The following THADA variants were observed in gnomAD, a reference collection of about 807,000 sequenced individuals.
THADA encodes THADA armadillo repeat containing, also known as tRNA (32-2'-O)-methyltransferase regulator THADA.
Under a neutral mutation model 219.8 loss-of-function variants are expected in THADA, and 213 were observed. The ratio of observed to expected loss-of-function variants is 0.97; its 90% CI spans 0.87 to 1.09. The LOEUF (loss-of-function observed/expected upper bound fraction) is 1.09, where lower values mean the gene tolerates loss of function less well. THADA is among the 50% of genes least tolerant of loss of function. THADA has a pLI of 0.00. For missense variants in THADA, 2,956 were observed against 2,311.3 expected (o/e 1.28, Z -5.72); for synonymous variants, 1,018 against 828.9 (o/e 1.23, Z -3.92).
intron 26 of THADA, among the ~76,000 whole-genome samples, chr2:43,434,091 T>G (rs1306020558): frequency 6.6e-6 from 1 of 152,118 alleles, no homozygotes; most frequent in African/African-American, 2.4e-5. Context: ...CTCACCCAGA[T>G]AGCTAAAAAA....
At chr2:43,235,417 C>T (rs1368778763) in intron 36 of THADA, among the ~76,000 whole-genome samples, 1 of 152,084 alleles carries the variant, frequency 6.6e-6, no homozygotes, top group Non-Finnish European at 1.5e-5. Flanking sequence ...CCTCAGCCTC[C>T]CAAGTAGCTG....
chr2:43,500,444 C>T (rs1688810741), intron 24 of THADA, among the ~76,000 whole-genome samples: 1 of 152,008 alleles, frequency 6.6e-6, no homozygotes, highest in South Asian at 2.1e-4. Flanking sequence ...ACAGGACAGG[C>T]ACAGCACAAA....
chr2:43,493,180 G>A (rs1166377652), intron 25 of THADA, among the ~76,000 whole-genome samples: 1 of 152,114 alleles, frequency 6.6e-6, no homozygotes, highest in Non-Finnish European at 1.5e-5. Flanking sequence ...TTACCCTGGG[G>A]GAAGCAAGCT....
intron 22 of THADA, among the ~76,000 whole-genome samples, chr2:43,509,082 G>C (rs1690059985): frequency 6.6e-6 from 1 of 152,240 alleles, no homozygotes; most frequent in Non-Finnish European, 1.5e-5. Context: ...TGGTCTCACA[G>C]ATATTTCATA....
intron 29 of THADA, among the ~76,000 whole-genome samples, chr2:43,378,841 G>A (rs1328530270): frequency 6.6e-6 from 1 of 152,086 alleles, no homozygotes; most frequent in Non-Finnish European, 1.5e-5. Flanking sequence ...CCTGACCTCA[G>A]GTGATCCACC....
chr2:43,450,276 T>C (rs532765576), intron 26 of THADA, among the ~76,000 whole-genome samples: 4 of 152,230 alleles, frequency 2.6e-5, no homozygotes, highest in African/African-American at 9.6e-5. Flanking sequence ...AATTAAGAGA[T>C]TTATGCACAA....
intron 29 of THADA, among the ~76,000 whole-genome samples, chr2:43,381,802 C>G (rs1486078587): frequency 6.6e-6 from 1 of 152,098 alleles, no homozygotes; most frequent in Admixed American, 6.5e-5. Flanking sequence ...CCATGCTGGT[C>G]TCAAACTCCT....
rs1298954374 is a variant in THADA at position 43,587,094 on chromosome 2, G to A, written c.303-92C>T. 3.1e-6 allele frequency: 4 copies of A among 1,298,782 alleles called. No homozygotes were observed. The East Asian group carries it at 7.5e-5, about 24-fold the overall frequency. 80.5% of individuals were successfully genotyped at this position (1,298,782 alleles called of 1,614,324 possible). ...AGAATCATACAAATGTGGGAATACTGAACTAAATCTTCAAAATACAGCCAG... is the reference window on the plus strand; with the variant it reads ...AGAATCATACAAATGTGGGAATACTAAACTAAATCTTCAAAATACAGCCAG... On this transcript the variant is annotated intron_variant, in intron 4 of 37. Transcript: ENST00000405975.
At position 43,505,658 on chromosome 2, in the gene THADA, A is replaced by T. The variant is rs752859890; in HGVS notation, c.3585T>A (p.Ala1195=). Reference sequence around the variant, plus strand: ...TACTCTGTATGTCATCTGTAGGCCCAGCCAAAGAGATTAACTCTTTCATTG... The same window carrying T: ...TACTCTGTATGTCATCTGTAGGCCCTGCCAAAGAGATTAACTCTTTCATTG... ...KITMKELISL[A]GPTDDIQSTV... is the part of the protein sequence containing the mutation. Residue 1195 remains alanine (A), a synonymous_variant, in exon 24 of 38, where the codon GCT becomes GCA. Coordinates refer to ENST00000405975, the MANE Select transcript of THADA (RefSeq NM_022065.5). 1 of 1,597,580 alleles carries T rather than the reference A, an allele frequency of 6.3e-7. No individual in the cohort carries two copies. Among genetic ancestry groups the T allele is most frequent in the Non-Finnish European group, 8.5e-7 (1 of 1,170,944 alleles).
intron 36 of THADA, among the ~76,000 whole-genome samples, chr2:43,260,053 A>G (rs1572812975): frequency 2.0e-5 from 3 of 152,040 alleles, no homozygotes; most frequent in African/African-American, 7.2e-5. Context: ...GAATGATCTC[A>G]GCTCACTGCA....
chr2:43,352,213 AAGAG>A, intron 29 of THADA, among the ~76,000 whole-genome samples: 1 of 152,326 alleles, frequency 6.6e-6, no homozygotes, highest in East Asian at 1.9e-4. Flanking sequence ...AGTTTTCTGA[AAGAG>A]AGAGTATCAA....
In THADA at chr2:43,541,295, T is replaced by C; in HGVS notation, c.3128A>G (p.Asp1043Gly). The change falls in exon 21 of 38, where the codon GAT becomes GGT. Residue 1043 changes from aspartate (D) to glycine (G), a missense_variant. Physicochemically the swap from Asp to Gly is moderately conservative, Grantham distance 94. Coordinates refer to ENST00000405975, the MANE Select transcript of THADA (RefSeq NM_022065.5). ...TACCAGCACCATCTGCGCAGTTACA[T>C]CACATGTTTTTACTTCTTTACCTTA... ...EIKGKEVKTCDVTAQMVLVCC... is the reference protein window; with the variant it reads ...EIKGKEVKTCGVTAQMVLVCC... 1 of 1,613,288 alleles carries C rather than the reference T, an allele frequency of 6.2e-7. No individual in the cohort carries two copies. Among genetic ancestry groups the C allele is most frequent in the Non-Finnish European group, 8.5e-7 (1 of 1,179,620 alleles).
At chr2:43,496,167 A>G (rs1050721761) in intron 25 of THADA, among the ~76,000 whole-genome samples, 2 of 152,324 alleles carry the variant, frequency 1.3e-5, no homozygotes, top group Admixed American at 1.3e-4. Flanking sequence ...ATTAAGATCT[A>G]GCTTCTTTTC....
intron 24 of THADA, among the ~76,000 whole-genome samples, chr2:43,502,355 C>A (rs370589894): frequency 4.6e-5 from 7 of 152,038 alleles, no homozygotes; most frequent in African/African-American, 1.7e-4. Flanking sequence ...GAGGCCAAGG[C>A]GGGAGAATCA....
intron 26 of THADA, among the ~76,000 whole-genome samples, chr2:43,432,039 G>T (rs548528346): frequency 7.9e-6 from 1 of 126,144 alleles, no homozygotes; most frequent in African/African-American, 3.6e-5. Flanking sequence ...TGTATTTTTA[G>T]TAGAGACGGG....
At chr2:43,407,205 C>T (rs1675660410) in intron 28 of THADA, among the ~76,000 whole-genome samples, 2 of 152,098 alleles carry the variant, frequency 1.3e-5, no homozygotes, top group Admixed American at 1.3e-4. Context: ...TCCATATTTA[C>T]AGTGATTGAT....
chr2:43,279,662 A>G (rs1388257149), intron 36 of THADA, 103 bp downstream of exon 36: 8 of 1,414,474 alleles, frequency 5.7e-6, no homozygotes, highest in Non-Finnish European at 7.4e-6. Flanking sequence ...ACACAGACCA[A>G]ATGACCAACA....
In THADA at chr2:43,287,055, C is replaced by T; in HGVS notation, c.5017G>A (p.Glu1673Lys). 6.2e-7 allele frequency: 1 copy of T among 1,612,244 alleles called. No homozygotes were observed. The highest frequency in any genetic ancestry group is 1.1e-5 in the South Asian group (1 of 90,840). Residue 1673 changes from glutamate to lysine, a missense_variant, in exon 35 of 38, where the codon GAA (glutamate) becomes AAA (lysine). Glu to Lys is a moderately conservative substitution (Grantham distance 56, BLOSUM62 1). Coordinates refer to ENST00000405975, the MANE Select transcript of THADA (RefSeq NM_022065.5). The stretch of plus-strand genomic sequence containing the variant: ...TGCTTCAGCTCAGCAGCTATCAATT[C>T]CCTGTTCTAAAAGCACAAAATGTAC... ...HHMQTCVENR[E>K]LIAAELKQWV...
chr2:43,283,688 A>G (rs1216183275), intron 35 of THADA, among the ~76,000 whole-genome samples: 3 of 152,212 alleles, frequency 2.0e-5, no homozygotes, highest in African/African-American at 7.2e-5. Context: ...AAAAATTTGT[A>G]AGCAGCAAAG....
Sources: gnomAD v4.1 joint callset for allele counts (sites outside exome capture counted in the v4.1 genomes callset) on GRCh38, gnomAD v4.1.1 for gene constraint, MANE v1.5 for transcripts, NCBI Gene and HGNC (gene_info 2026-07-23, HGNC 2026-07-21) for gene names.